Variants in CDH18 observed in about 807,000 individuals in gnomAD.
CDH18 encodes cadherin 18.
CDH18 carries 31 observed loss-of-function variants against 67.9 expected under a neutral mutation model. The observed-to-expected ratio is 0.46, with a 90% CI of 0.34 to 0.62. The LOEUF (loss-of-function observed/expected upper bound fraction) is 0.62, where lower values mean the gene tolerates loss of function less well. Among genes scored for constraint, CDH18 ranks in the 20% least tolerant of loss-of-function variants. CDH18 has a pLI of 0.01. For synonymous variants in CDH18, 362 were observed against 347.2 expected (o/e 1.04, Z -0.48); for missense variants, 890 against 975.5 (o/e 0.91, Z 1.17).
chr5:20,327,674 G>A (rs1738734632), intron 1 of CDH18, among the ~76,000 whole-genome samples: 1 of 152,074 alleles, frequency 6.6e-6, no homozygotes, highest in African/African-American at 2.4e-5. Context: ...GTTGAAGTAT[G>A]CATATTTTCA....
chr5:20,159,199 T>A (rs1248461714), intron 2 of CDH18, among the ~76,000 whole-genome samples: 1 of 152,140 alleles, frequency 6.6e-6, no homozygotes, highest in Non-Finnish European at 1.5e-5. Context: ...GACCAAAATA[T>A]AAAAACAGAT....
At chr5:20,521,333 A>G (rs976381073) in intron 1 of CDH18, among the ~76,000 whole-genome samples, 2 of 152,192 alleles carry the variant, frequency 1.3e-5, no homozygotes, top group Non-Finnish European at 2.9e-5. Flanking sequence ...GGGTGATAAA[A>G]CAAAAACAAT....
intron 2 of CDH18, among the ~76,000 whole-genome samples, chr5:20,219,497 T>C (rs1741047253): frequency 1.4e-5 from 2 of 141,862 alleles, no homozygotes; most frequent in Non-Finnish European, 3.0e-5. Context: ...TTTACCCTGA[T>C]ACTAAAACTA....
intron 2 of CDH18, among the ~76,000 whole-genome samples, chr5:20,023,823 C>T (rs888017772): frequency 3.3e-5 from 5 of 152,142 alleles, no homozygotes; most frequent in African/African-American, 1.2e-4. Flanking sequence ...GTCATAATCC[C>T]GCAGTCACTC....
At chr5:19,770,128 G>A (rs1773564991) in intron 3 of CDH18, among the ~76,000 whole-genome samples, 1 of 152,050 alleles carries the variant, frequency 6.6e-6, no homozygotes, top group Admixed American at 6.6e-5. Flanking sequence ...AGATTGTAAA[G>A]TGGTGTAGCC....
chr5:20,442,292 A>C (rs1196026590), intron 1 of CDH18, among the ~76,000 whole-genome samples: 2 of 151,980 alleles, frequency 1.3e-5, no homozygotes, highest in Non-Finnish European at 2.9e-5. Context: ...TTTGCTATGG[A>C]ATTAAACCTT....
intron 11 of CDH18, among the ~76,000 whole-genome samples, chr5:19,493,676 A>G (rs1487145549): frequency 2.0e-5 from 3 of 152,118 alleles, no homozygotes; most frequent in African/African-American, 4.8e-5. Context: ...CTATATTTTC[A>G]ATCAATTTAT....
chr5:19,866,736 G>T (rs1297749147), intron 2 of CDH18, among the ~76,000 whole-genome samples: 2 of 152,024 alleles, frequency 1.3e-5, no homozygotes, highest in African/African-American at 4.8e-5. Flanking sequence ...AAGTAACTGG[G>T]TTTGGGCAAT....
At chr5:19,582,378 T>C (rs930496935) in intron 7 of CDH18, among the ~76,000 whole-genome samples, 1 of 152,054 alleles carries the variant, frequency 6.6e-6, no homozygotes, top group Non-Finnish European at 1.5e-5. Flanking sequence ...GGAATATATG[T>C]GTCAAAACAA....
chr5:20,301,018 G>T (rs1747938008), intron 1 of CDH18, among the ~76,000 whole-genome samples: 1 of 152,124 alleles, frequency 6.6e-6, no homozygotes, highest in Non-Finnish European at 1.5e-5. Context: ...GAACAAAAGA[G>T]GGGTGAACGG....
Position 19,473,235 on chromosome 5 carries a change from T to G in CDH18, c.2364A>C (p.Arg788Ser). Reference protein sequence around the residue: ...AELYGEIESERTT With the variant: ...AELYGEIESESTT ...TGCAAGAACTGACCCCCTAAGTTGTTCTTTCAGATTCTATTTCTCCATAGA... is the reference window on the plus strand; with the variant it reads ...TGCAAGAACTGACCCCCTAAGTTGTGCTTTCAGATTCTATTTCTCCATAGA... Residue 788 changes from arginine to serine, a missense_variant, in exon 13 of 13, where the codon AGA (arginine) becomes AGC (serine). Around this residue, in one of 2 missense-constraint regions of CDH18, gnomAD observed 656 missense variants for 668.1 expected, o/e 0.98. Transcript: ENST00000382275. 6.2e-7 allele frequency: 1 copy of G among 1,612,928 alleles called. No homozygotes were observed.
At chr5:19,748,990 C>T (rs1770485832) in intron 3 of CDH18, among the ~76,000 whole-genome samples, 1 of 152,098 alleles carries the variant, frequency 6.6e-6, no homozygotes, top group African/African-American at 2.4e-5. Context: ...CAAAGATTCA[C>T]ACTTCATTAG....
intron 3 of CDH18, among the ~76,000 whole-genome samples, chr5:19,834,903 A>G: frequency 6.6e-6 from 1 of 152,264 alleles, no homozygotes; most frequent in Non-Finnish European, 1.5e-5. Flanking sequence ...AGAAATAGGA[A>G]CACATTTACA....
intron 2 of CDH18, among the ~76,000 whole-genome samples, chr5:20,202,649 T>A (rs1739543068): frequency 6.6e-6 from 1 of 152,074 alleles, no homozygotes; most frequent in Admixed American, 6.5e-5. Flanking sequence ...CACATTCAGG[T>A]TCTTTTTATT....
intron 1 of CDH18, among the ~76,000 whole-genome samples, chr5:20,299,112 G>A (rs1214412359): frequency 1.3e-5 from 2 of 152,102 alleles, no homozygotes; most frequent in African/African-American, 2.4e-5. Context: ...TGAAGAGGGT[G>A]TAACTTGGTC....
chr5:19,811,123 A>G lies in CDH18; in HGVS notation c.228+27636T>C, dbSNP rs570081869. 3.1e-4 allele frequency among the ~76,000 whole-genome samples: 38 copies of G among 121,310 alleles called. No individual in the cohort carries two copies. In the South Asian group the frequency reaches 0.011, roughly 34 times the overall value. The allele number at this position is 121,310 out of a possible 152,430, so 79.6% of individuals were successfully genotyped here. ...GAAAGAAAGAAAGAAAGAAAGAAAG[A>G]AAGAAAGAAAGAAAGAAAGAAAGAA... On this transcript the variant is annotated intron_variant, in intron 3 of 12. Transcript: ENST00000382275.
chr5:20,537,973 G>A (rs552779088), intron 1 of CDH18, among the ~76,000 whole-genome samples: 195 of 152,244 alleles, frequency 1.3e-3, no homozygotes, highest in African/African-American at 4.2e-3. Flanking sequence ...CCAACAGAGC[G>A]TAGAATTAAT....
intron 1 of CDH18, among the ~76,000 whole-genome samples, chr5:20,494,435 C>T (rs1753789007): frequency 6.6e-6 from 1 of 151,716 alleles, no homozygotes; most frequent in South Asian, 2.1e-4. Flanking sequence ...GGGAAGAGGA[C>T]CTTACATGAC....
At chr5:20,264,285 A>G (rs1442836002) in intron 1 of CDH18, among the ~76,000 whole-genome samples, 2 of 152,214 alleles carry the variant, frequency 1.3e-5, no homozygotes, top group East Asian at 1.9e-4. Context: ...TAGTTTGCAT[A>G]TTGAGTTCTC....
Sources: allele counts gnomAD v4.1 joint callset (sites outside exome capture counted in the v4.1 genomes callset), GRCh38; gene constraint gnomAD v4.1.1; regional missense constraint gnomAD v4.1.1; transcripts MANE v1.5; gene names NCBI Gene and HGNC (gene_info 2026-07-23, HGNC 2026-07-21).